VPS39: variants seen among roughly 807,000 people sequenced by gnomAD.
VPS39 encodes VPS39 subunit of HOPS complex.
In VPS39, 70 loss-of-function variants were observed where a neutral mutation model predicts 121.0. That is an observed-to-expected ratio of 0.58 (90% CI 0.48 to 0.71). VPS39 has a LOEUF of 0.71. Among genes scored for constraint, VPS39 ranks in the 30% least tolerant of loss-of-function variants. The pLI, the probability that VPS39 is intolerant of heterozygous loss-of-function variation, is 0.00. For missense variants in VPS39, 818 were observed against 1,051.5 expected, an observed-to-expected ratio of 0.78 and a Z score of 3.07; for synonymous variants, 378 against 398.1, an observed-to-expected ratio of 0.95 and a Z score of 0.60.
In VPS39 at chr15:42,208,265, CG is replaced by C; in HGVS notation, c.-113del. 7.3e-7 allele frequency: 1 copy of C among 1,367,596 alleles called. No individual in the cohort carries two copies. The highest frequency in any genetic ancestry group is 1.0e-6 in the Non-Finnish European group (1 of 1,002,842). The allele number at this position is 1,367,596 out of a possible 1,614,324, so 84.7% of individuals were successfully genotyped here. On this transcript the variant is annotated 5_prime_UTR_variant, in exon 1 of 25. Coordinates refer to ENST00000318006, the MANE Select transcript of VPS39 (RefSeq NM_015289.5). ...GACCGGGATCCGGCCAGGAACCCCC[CG>C]GCTACAGGCCCTTCAACAACACAGC...
rs374320585 is a variant in VPS39, at chr15:42,184,671, G to A, written c.564C>T (p.Leu188=). 2 of 1,613,652 alleles carry A rather than the reference G, an allele frequency of 1.2e-6. No individual in the cohort carries two copies. ...RVDGKGSIKE[L]FPTGKQLEPL... Reference sequence around the variant, plus strand: ...GCTCCAGCTGTTTTCCTGTTGGAAAGAGCTCTTTGATGGACCCCTTTCCAT... The same window carrying A: ...GCTCCAGCTGTTTTCCTGTTGGAAAAAGCTCTTTGATGGACCCCTTTCCAT... The change falls in exon 8 of 25, where the codon CTC becomes CTT. Residue 188 remains leucine (L), a synonymous_variant. Transcript: ENST00000318006.
chr15:42,203,661 AAAAAT>A (rs1192756191), intron 1 of VPS39, among the ~76,000 whole-genome samples: 3 of 152,184 alleles, frequency 2.0e-5, no homozygotes, highest in African/African-American at 7.2e-5. Context: ...AATTAATTAA[AAAAAT>A]AAAATGTCTA....
chr15:42,187,960 A>T, intron 5 of VPS39, 104 bp from the exon 6 acceptor site: 1 of 1,074,078 alleles, frequency 9.3e-7, no homozygotes, highest in East Asian at 2.4e-5. Flanking sequence ...TACTCTGAAA[A>T]TTCCCTGTAA....
chr15:42,169,591 C>T (rs2049308295), intron 12 of VPS39, 133 bp downstream of exon 12: 2 of 1,018,526 alleles, frequency 2.0e-6, no homozygotes, highest in Non-Finnish European at 2.6e-6. Flanking sequence ...GAAACTTTAC[C>T]CCAGGCAGAC....
intron 5 of VPS39, 138 bp downstream of exon 5, chr15:42,188,976 T>A (rs547627709): frequency 2.4e-4 from 149 of 613,162 alleles, no homozygotes; most frequent in East Asian, 3.4e-4. Context: ...AGGAAAAAAA[T>A]AAATAAATAA....
intron 2 of VPS39, 62 bp from the exon 3 acceptor site, chr15:42,191,622 T>C: frequency 2.1e-6 from 3 of 1,444,244 alleles, no homozygotes; most frequent in African/African-American, 1.4e-5. Context: ...AAACCACTAC[T>C]AGAAAAATAC....
At chr15:42,164,764 C>T (rs2049208418) in intron 18 of VPS39, 2 of 1,428,698 alleles carry the variant, frequency 1.4e-6, no homozygotes, top group Admixed American at 2.9e-5. Context: ...CTGTTCCTTC[C>T]ACCCTCCCCG....
At chr15:42,206,653 A>G (rs903148092) in intron 1 of VPS39, among the ~76,000 whole-genome samples, 1 of 152,070 alleles carries the variant, frequency 6.6e-6, no homozygotes, top group Non-Finnish European at 1.5e-5. Context: ...TGAGTTGGGT[A>G]CCCCCTCATC....
chr15:42,160,257 GT>G lies in VPS39; in HGVS notation c.*496del, dbSNP rs1342197914. 1.9e-5 allele frequency: 3 copies of G among 155,010 alleles called. No individual in the cohort carries two copies. Among genetic ancestry groups the G allele is most frequent in the Admixed American group, 6.3e-5 (1 of 15,806 alleles). 9.6% of individuals were successfully genotyped at this position (155,010 alleles called of 1,614,324 possible). A position where few individuals can be genotyped will look rare whatever the true frequency, so the allele number is the denominator to read the frequency against. ...CGGCTACCGAGGGGTGCAGGGCACA[GT>G]TACCATGGAGACGTAAAACACTACA... On this transcript the variant is annotated 3_prime_UTR_variant, in exon 25 of 25. Coordinates refer to ENST00000318006, the MANE Select transcript of VPS39 (RefSeq NM_015289.5).
chr15:42,169,628 C>T lies in VPS39; in HGVS notation c.1233+96G>A, dbSNP rs747700398. ...TCCTACAGCATTAATTTACAGACTG[C>T]CTTGGCATTAGAGAAGGCCCTCAAT... On this transcript the variant is annotated intron_variant, in intron 12 of 24. Transcript: ENST00000318006. 9.8e-5 allele frequency: 135 copies of T among 1,373,556 alleles called. 4 individuals carry two copies. Among genetic ancestry groups the T allele is most frequent in the South Asian group, 8.1e-4 (46 of 56,806 alleles). The allele number at this position is 1,373,556 out of a possible 1,614,324, so 85.1% of individuals were successfully genotyped here.
chr15:42,202,886 A>G (rs929639647), intron 1 of VPS39, among the ~76,000 whole-genome samples: 2 of 152,190 alleles, frequency 1.3e-5, no homozygotes, highest in African/African-American at 4.8e-5. Flanking sequence ...ATGCTGTCAC[A>G]CTGGGGCTTA....
intron 2 of VPS39, 55 bp from the exon 3 acceptor site, chr15:42,191,615 C>A (rs1210220380): frequency 5.2e-5 from 78 of 1,494,814 alleles, no homozygotes; most frequent in Non-Finnish European, 6.1e-5. Flanking sequence ...CATAGAAAAA[C>A]CACTACTAGA....
intron 8 of VPS39, among the ~76,000 whole-genome samples, chr15:42,181,316 T>C (rs1171041498): frequency 6.6e-6 from 1 of 152,174 alleles, no homozygotes; most frequent in African/African-American, 2.4e-5. Context: ...AGACAAATAC[T>C]GTATGATTTC....
chr15:42,176,229 C>T (rs2049448437), intron 10 of VPS39, among the ~76,000 whole-genome samples: 1 of 152,092 alleles, frequency 6.6e-6, no homozygotes, highest in Non-Finnish European at 1.5e-5. Flanking sequence ...GACTCTGAGA[C>T]CTTTCTGCTA....
rs1017887772 is a variant in VPS39 at position 42,163,756 on chromosome 15, A to G, written c.2027-28T>C. 9.0e-6 allele frequency: 14 copies of G among 1,555,338 alleles called. No individual in the cohort carries two copies. In the African/African-American group the frequency reaches 1.2e-4, roughly 14 times the overall value. Reference sequence around the variant, plus strand: ...AGGAGGAAAAGGAATATGAGGAACCACTGCCGCCATCACGCAAGCACAAGG... The same window carrying G: ...AGGAGGAAAAGGAATATGAGGAACCGCTGCCGCCATCACGCAAGCACAAGG... On this transcript the variant is annotated intron_variant, in intron 19 of 24. Coordinates refer to ENST00000318006, the MANE Select transcript of VPS39 (RefSeq NM_015289.5).
chr15:42,198,858 G>A (rs1018491472), intron 2 of VPS39, among the ~76,000 whole-genome samples: 24 of 152,248 alleles, frequency 1.6e-4, no homozygotes, highest in African/African-American at 5.8e-4. Flanking sequence ...GACCTTTTCA[G>A]AACAAGTTTG....
intron 10 of VPS39, among the ~76,000 whole-genome samples, chr15:42,177,178 A>C (rs896434124): frequency 2.1e-4 from 32 of 151,264 alleles, no homozygotes; most frequent in South Asian, 4.2e-4. Flanking sequence ...AAAAAAAAAA[A>C]AAAAAAAAAA....
chr15:42,164,205 G>C (rs2049195655), intron 19 of VPS39, among the ~76,000 whole-genome samples, 153 bp downstream of exon 19: 1 of 152,230 alleles, frequency 6.6e-6, no homozygotes, highest in South Asian at 2.1e-4. Flanking sequence ...ACAAAAGTGA[G>C]TCTTCAGAGA....
chr15:42,179,835 T>C (rs899620793), intron 8 of VPS39, among the ~76,000 whole-genome samples: 14 of 152,220 alleles, frequency 9.2e-5, no homozygotes, highest in African/African-American at 3.1e-4. Flanking sequence ...CATTGGACAC[T>C]TAATCCTCAG....
Sources: allele counts gnomAD v4.1 joint callset (sites outside exome capture counted in the v4.1 genomes callset), GRCh38; gene constraint gnomAD v4.1.1; transcripts MANE v1.5; gene names NCBI Gene and HGNC (gene_info 2026-07-23, HGNC 2026-07-21).